The following OTUD7A variants were observed in gnomAD, a reference collection of about 807,000 sequenced individuals.
OTUD7A encodes OTU deubiquitinase 7A.
OTUD7A carries 12 observed loss-of-function variants against 65.7 expected under a neutral mutation model. That is an observed-to-expected ratio of 0.18 (90% confidence interval 0.12 to 0.30). The LOEUF (loss-of-function observed/expected upper bound fraction) is 0.30. Ranked by LOEUF, OTUD7A falls within the 10% of genes least tolerant of loss-of-function variation. The pLI is 1.00. For missense variants in OTUD7A, 1,148 were observed against 1,304.8 expected, an observed-to-expected ratio of 0.88 and a Z score of 1.85; for synonymous variants, 641 against 586.3, an observed-to-expected ratio of 1.09 and a Z score of -1.35.
At chr15:31,604,998 A>C (rs574407775) in intron 3 of OTUD7A, among the ~76,000 whole-genome samples, 1 of 152,348 alleles carries the variant, frequency 6.6e-6, no homozygotes, top group East Asian at 1.9e-4. Context: ...CACAGGGCGG[A>C]ACAAAGGCTC....
chr15:31,560,228 T>A (rs1218707888), intron 4 of OTUD7A, among the ~76,000 whole-genome samples: 2 of 152,230 alleles, frequency 1.3e-5, no homozygotes, highest in Non-Finnish European at 2.9e-5. Flanking sequence ...TTACTAAAGT[T>A]ACGCTGATAA....
intron 1 of OTUD7A, among the ~76,000 whole-genome samples, chr15:31,785,893 G>T (rs951100615): frequency 2.0e-5 from 3 of 152,216 alleles, no homozygotes; most frequent in African/African-American, 7.2e-5. Flanking sequence ...GCTATGGTTT[G>T]AATGTCCTCT....
chr15:31,542,507 A>G (rs964906596), intron 5 of OTUD7A, among the ~76,000 whole-genome samples: 3 of 152,048 alleles, frequency 2.0e-5, no homozygotes, highest in Admixed American at 6.6e-5. Context: ...AAGAGAGTTT[A>G]TGAGACATAA....
chr15:31,846,317 T>G (rs985130492), intron 1 of OTUD7A, among the ~76,000 whole-genome samples: 8 of 152,222 alleles, frequency 5.3e-5, no homozygotes, highest in African/African-American at 1.7e-4. Flanking sequence ...ACTGTCTTTT[T>G]CTTTTTTGGG....
At chr15:31,571,119 C>T (rs760007863) in intron 3 of OTUD7A, among the ~76,000 whole-genome samples, 19 of 152,002 alleles carry the variant, frequency 1.2e-4, no homozygotes, top group Admixed American at 2.6e-4. Flanking sequence ...ACATTGTAGG[C>T]TGGTATCAAA....
chr15:31,522,454 G>A lies in OTUD7A; in HGVS notation c.893+3895C>T, dbSNP rs563530234. On this transcript the variant is annotated intron_variant, in intron 8 of 12. Transcript: ENST00000307050. ...CTGGGTCTCCAGCTGGCACATGCCA[G>A]ATCGTGGGAATTCTCAGACACCATA... 1.5e-3 allele frequency among the ~76,000 whole-genome samples: 225 copies of A among 152,342 alleles called. 2 individuals are homozygous for A. The highest frequency in any genetic ancestry group is 5.1e-3 in the African/African-American group (210 of 41,570).
intron 1 of OTUD7A, among the ~76,000 whole-genome samples, chr15:31,771,773 C>T (rs142923320): frequency 1.3e-5 from 2 of 152,300 alleles, no homozygotes; most frequent in East Asian, 1.9e-4. Flanking sequence ...CCAGACCCCC[C>T]TCTCCAACCT....
intron 3 of OTUD7A, among the ~76,000 whole-genome samples, chr15:31,643,402 T>C (rs1438435047): frequency 1.3e-5 from 2 of 152,220 alleles, no homozygotes; most frequent in Admixed American, 6.5e-5. Flanking sequence ...TATTAAGCAA[T>C]GTGCTGTTAA....
At chr15:31,591,052 G>C (rs1438564973) in intron 3 of OTUD7A, among the ~76,000 whole-genome samples, 3 of 152,128 alleles carry the variant, frequency 2.0e-5, no homozygotes, top group Non-Finnish European at 4.4e-5. Context: ...GAGGAGCCAG[G>C]GGGTCTGCAC....
chr15:31,802,135 G>GTATATATATA (rs1434073127), intron 1 of OTUD7A, among the ~76,000 whole-genome samples: 11 of 123,902 alleles, frequency 8.9e-5, no homozygotes, highest in African/African-American at 3.4e-4. Context: ...GTGTGTGTGT[G>GTATATATATA]TGTGTGTATA....
At chr15:31,722,244 C>A (rs1363386454) in intron 1 of OTUD7A, among the ~76,000 whole-genome samples, 1 of 152,162 alleles carries the variant, frequency 6.6e-6, no homozygotes, top group Non-Finnish European at 1.5e-5. Flanking sequence ...CACAGTCAGT[C>A]CCTCCTCACC....
chr15:31,553,973 C>T (rs78949850), intron 5 of OTUD7A, among the ~76,000 whole-genome samples: 5 of 152,308 alleles, frequency 3.3e-5, no homozygotes, highest in Non-Finnish European at 5.9e-5. Flanking sequence ...GCCTAAAGGA[C>T]GAGGCTCCCT....
intron 1 of OTUD7A, among the ~76,000 whole-genome samples, chr15:31,783,548 C>T (rs866254739): frequency 2.6e-5 from 4 of 152,172 alleles, no homozygotes; most frequent in African/African-American, 9.7e-5. Context: ...CAAACAGAAA[C>T]CGAAAACAGT....
At chr15:31,584,826 GGCCT>G (rs1273032722) in intron 3 of OTUD7A, among the ~76,000 whole-genome samples, 3 of 152,190 alleles carry the variant, frequency 2.0e-5, no homozygotes, top group African/African-American at 7.2e-5. Flanking sequence ...AGATCATGAT[GGCCT>G]GCCTATTTCT....
intron 5 of OTUD7A, among the ~76,000 whole-genome samples, chr15:31,533,459 A>C (rs1221356518): frequency 6.6e-6 from 1 of 151,994 alleles, no homozygotes; most frequent in Admixed American, 6.6e-5. Flanking sequence ...CTAGTCTCGA[A>C]CTCCTGACCT....
chr15:31,698,893 C>T (rs1045461103), intron 1 of OTUD7A, among the ~76,000 whole-genome samples: 31 of 151,344 alleles, frequency 2.0e-4, no homozygotes, highest in African/African-American at 7.5e-4. Flanking sequence ...TTCTGAGCAT[C>T]ACATTGCCCT....
intron 1 of OTUD7A, among the ~76,000 whole-genome samples, chr15:31,793,242 A>C (rs1445958103): frequency 6.6e-6 from 1 of 152,092 alleles, no homozygotes; most frequent in Non-Finnish European, 1.5e-5. Flanking sequence ...TGGCCTCTTC[A>C]GTTCCTACCC....
Position 31,621,025 on chromosome 15 carries a change from C to T in OTUD7A, c.151+34071G>A, listed in dbSNP as rs1890761992. 2.7e-5 allele frequency among the ~76,000 whole-genome samples: 4 copies of T among 149,220 alleles called. No homozygotes were observed. The South Asian group carries it at 6.4e-4, about 24-fold the overall frequency. On this transcript the variant is annotated intron_variant, in intron 3 of 12. Transcript: ENST00000307050. The stretch of plus-strand genomic sequence containing the variant: ...ATTTCTGCCTTCATTTCGTGATGTA[C>T]CCAGTAGTCATTCAGGAGCAGGTTG...
At chr15:31,645,424 A>C (rs1043169497) in intron 3 of OTUD7A, among the ~76,000 whole-genome samples, 11 of 152,152 alleles carry the variant, frequency 7.2e-5, no homozygotes, top group Non-Finnish European at 1.3e-4. Context: ...ACTTATAATA[A>C]ACCTGTTTGC....
Sources: gnomAD v4.1 joint callset for allele counts (sites outside exome capture counted in the v4.1 genomes callset) on GRCh38, gnomAD v4.1.1 for gene constraint, MANE v1.5 for transcripts, NCBI Gene and HGNC (gene_info 2026-07-23, HGNC 2026-07-21) for gene names.